ENTREP2: variants seen among roughly 807,000 people sequenced by gnomAD.
The protein encoded by ENTREP2 is protein ENTREP2.
At chr15:29,346,707 A>C in the ENTREP2 span, among the ~76,000 whole-genome samples, 1,088 of 152,304 alleles carry the variant, frequency 7.1e-3, 17 homozygotes, top group African/African-American at 0.025. Flanking sequence ...ATTAAAGCTT[A>C]TTATCCTCTG....
At chr15:29,348,741 C>T in the ENTREP2 span, among the ~76,000 whole-genome samples, 2 of 152,212 alleles carry the variant, frequency 1.3e-5, no homozygotes, top group Non-Finnish European at 2.9e-5. Context: ...ATAAAGAAGT[C>T]ACACAAGAAT....
At chr15:29,328,154 T>C in the ENTREP2 span, among the ~76,000 whole-genome samples, 1 of 152,228 alleles carries the variant, frequency 6.6e-6, no homozygotes, top group Non-Finnish European at 1.5e-5. Context: ...TCTTAATGCA[T>C]ATTGCTATGT....
the ENTREP2 span, among the ~76,000 whole-genome samples, chr15:29,451,276 G>A: frequency 2.0e-5 from 3 of 151,852 alleles, no homozygotes; most frequent in African/African-American, 7.3e-5. Flanking sequence ...CTCTCTGGCC[G>A]GCCCTCGGCC....
At chr15:29,639,838 G>A in the ENTREP2 span, among the ~76,000 whole-genome samples, 1 of 144,982 alleles carries the variant, frequency 6.9e-6, no homozygotes, top group African/African-American at 2.7e-5. Context: ...GCATAATCTC[G>A]GCTCACTGCA....
At chr15:29,629,852 C>A in the ENTREP2 span, among the ~76,000 whole-genome samples, 2 of 152,110 alleles carry the variant, frequency 1.3e-5, no homozygotes, top group Non-Finnish European at 2.9e-5. Flanking sequence ...CATGGTGGCT[C>A]ATGCCTGTAA....
the ENTREP2 span, among the ~76,000 whole-genome samples, chr15:29,455,654 C>T: frequency 6.6e-6 from 1 of 152,162 alleles, no homozygotes; most frequent in Non-Finnish European, 1.5e-5. Context: ...GCAGGGGCTC[C>T]CAACCCCCAG....
chr15:29,472,430 C>CACACAT, the ENTREP2 span, among the ~76,000 whole-genome samples: 3 of 107,332 alleles, frequency 2.8e-5, no homozygotes, highest in South Asian at 7.8e-4. Flanking sequence ...CAACACACAA[C>CACACAT]ACACACACAC....
chr15:29,501,338 G>T, the ENTREP2 span, among the ~76,000 whole-genome samples: 1 of 151,922 alleles, frequency 6.6e-6, no homozygotes, highest in Non-Finnish European at 1.5e-5. Flanking sequence ...TGACCAAGTA[G>T]AGTTTATCCC....
the ENTREP2 span, among the ~76,000 whole-genome samples, chr15:29,207,885 T>C: frequency 6.6e-6 from 1 of 152,118 alleles, no homozygotes; most frequent in East Asian, 1.9e-4. Flanking sequence ...CGTGGAATCA[T>C]GTGGATGGGC....
At chr15:29,622,675 C>A in the ENTREP2 span, among the ~76,000 whole-genome samples, 4 of 152,278 alleles carry the variant, frequency 2.6e-5, no homozygotes, top group African/African-American at 9.6e-5. Flanking sequence ...GATGCCCTGA[C>A]CTCAAGCCTC....
At chr15:29,289,199 C>A in the ENTREP2 span, among the ~76,000 whole-genome samples, 2 of 148,254 alleles carry the variant, frequency 1.3e-5, no homozygotes, top group South Asian at 4.3e-4. Context: ...AGAGGGAGAC[C>A]CTGTCTCAAA....
the ENTREP2 span, among the ~76,000 whole-genome samples, chr15:29,172,944 G>A: frequency 1.1e-4 from 17 of 152,266 alleles, no homozygotes; most frequent in East Asian, 1.9e-4. Flanking sequence ...AGTCTGTGGC[G>A]GGAGGCCCAC....
At chr15:29,157,705 C>A in the ENTREP2 span, among the ~76,000 whole-genome samples, 1 of 149,244 alleles carries the variant, frequency 6.7e-6, no homozygotes, top group East Asian at 2.0e-4. Flanking sequence ...GAGAACAATT[C>A]AAAGTTATAA....
At chr15:29,482,881 G>A in the ENTREP2 span, among the ~76,000 whole-genome samples, 2 of 152,152 alleles carry the variant, frequency 1.3e-5, no homozygotes, top group Non-Finnish European at 2.9e-5. Context: ...AGGCTCATAG[G>A]GTAAGAGTAT....
chr15:29,536,644 C>T, the ENTREP2 span, among the ~76,000 whole-genome samples: 1 of 151,306 alleles, frequency 6.6e-6, no homozygotes, highest in East Asian at 1.9e-4. Flanking sequence ...AACCCTAGTA[C>T]CTCAAAATCT....
chr15:29,276,097 C>T, the ENTREP2 span, among the ~76,000 whole-genome samples: 1 of 152,190 alleles, frequency 6.6e-6, no homozygotes, highest in Admixed American at 6.5e-5. Flanking sequence ...TACCTAATAA[C>T]ACTTTGTCCC....
At chr15:29,371,768 TAG>T in the ENTREP2 span, among the ~76,000 whole-genome samples, 1 of 151,980 alleles carries the variant, frequency 6.6e-6, no homozygotes, top group African/African-American at 2.4e-5. Flanking sequence ...AGTAGTTATC[TAG>T]AAAATAAAAT....
the ENTREP2 span, among the ~76,000 whole-genome samples, chr15:29,380,813 G>A: frequency 6.6e-6 from 1 of 151,250 alleles, no homozygotes; most frequent in East Asian, 2.0e-4. Flanking sequence ...TGCATAAACA[G>A]GCTTTAATGT....
At chr15:29,338,864 C>G in the ENTREP2 span, among the ~76,000 whole-genome samples, 1 of 151,378 alleles carries the variant, frequency 6.6e-6, no homozygotes, top group African/African-American at 2.4e-5. Context: ...AAATTTACAT[C>G]ATACAATGAA....
Sources: allele counts gnomAD v4.1 joint callset (sites outside exome capture counted in the v4.1 genomes callset), GRCh38; gene constraint gnomAD v4.1.1; transcripts MANE v1.5; gene names NCBI Gene and HGNC (gene_info 2026-07-23, HGNC 2026-07-21).